The following NOL4L variants were observed in gnomAD, a reference collection of about 807,000 sequenced individuals.
NOL4L encodes nucleolar protein 4-like.
In NOL4L, 7 loss-of-function variants were observed where a neutral mutation model predicts 64.5. The ratio of observed to expected loss-of-function variants is 0.11; its 90% confidence interval spans 0.06 to 0.20. NOL4L has a LOEUF of 0.20. Ranked by LOEUF, NOL4L falls within the 10% of genes least tolerant of loss-of-function variation. NOL4L has a pLI of 1.00. For synonymous variants in NOL4L, 413 were observed against 401.0 expected (o/e 1.03, Z -0.36); for missense variants, 680 against 967.1 (o/e 0.70, Z 3.94).
In NOL4L at chr20:32,464,893, G is replaced by A. The variant is rs541842111; in HGVS notation, c.842-8498C>T. 4.7e-6 allele frequency: 2 copies of A among 422,582 alleles called. No individual in the cohort carries two copies. The highest frequency in any genetic ancestry group is 3.6e-5 in the East Asian group (1 of 28,110). 26.2% of individuals were successfully genotyped at this position (422,582 alleles called of 1,614,324 possible). The stretch of plus-strand genomic sequence containing the variant: ...GATATTTCACCTTCTTCTTTCCTAC[G>A]GAGCCGCTGAGACGCAGCGTGTATT... On this transcript the variant is annotated intron_variant, in intron 5 of 10. Transcript: ENST00000621426. This position sits in a 1 kb window ranked among gnomAD's most constrained non-coding sequence, Gnocchi z 5.6.
chr20:32,567,261 C>G (rs1183799355), intron 1 of NOL4L, among the ~76,000 whole-genome samples: 2 of 152,208 alleles, frequency 1.3e-5, no homozygotes, highest in African/African-American at 4.8e-5. Flanking sequence ...GAGACCCTGG[C>G]TTCCCACCTG....
rs767977508 is a variant in NOL4L, at chr20:32,453,508, G to A, written c.1306-13C>T. 8 of 1,613,324 alleles carry A rather than the reference G, an allele frequency of 5.0e-6. No homozygotes were observed. The highest frequency in any genetic ancestry group is 4.0e-5 in the African/African-American group (3 of 74,882). On this transcript the variant is annotated splice_polypyrimidine_tract_variant and intron_variant, in intron 7 of 10. Transcript: ENST00000621426. This position sits in a 1 kb window ranked among gnomAD's most constrained non-coding sequence, Gnocchi z 5.6. The stretch of plus-strand genomic sequence containing the variant: ...GACGCACAAACATCTGTGGAGACAC[G>A]GGCCATGGGAAGGGCTGGCCCTGGC...
At chr20:32,471,528 G>T (rs1480909389) in intron 5 of NOL4L, among the ~76,000 whole-genome samples, 2 of 152,204 alleles carry the variant, frequency 1.3e-5, no homozygotes, top group African/African-American at 4.8e-5. Flanking sequence ...TTAAAGAAGG[G>T]CCCCAACAAA....
At chr20:32,482,090 C>T (rs1002675629) in intron 4 of NOL4L, among the ~76,000 whole-genome samples, 1 of 152,134 alleles carries the variant, frequency 6.6e-6, no homozygotes, top group African/African-American at 2.4e-5. Context: ...AGTCCAAACA[C>T]CATTTCAGGT....
In NOL4L at chr20:32,444,010, G is replaced by GT. The variant is rs1298274231; in HGVS notation, c.*3585dup. On this transcript the variant is annotated 3_prime_UTR_variant, in exon 11 of 11. Coordinates refer to ENST00000621426, the MANE Select transcript of NOL4L (RefSeq NM_001256798.2). Reference sequence around the variant, plus strand: ...GTTGTATTTTTAGGTGGAAACGTAGGTAAAAAGTGAGAGGTTTTTGTTTGT... The same window carrying GT: ...GTTGTATTTTTAGGTGGAAACGTAGGTTAAAAAGTGAGAGGTTTTTGTTTGT... 2 of 152,212 alleles carry GT rather than the reference G, an allele frequency of 1.3e-5. No individual in the cohort carries two copies. The highest frequency in any genetic ancestry group is 2.9e-5 in the Non-Finnish European group (2 of 68,038). The allele number at this position is 152,212 out of a possible 1,614,324, so 9.4% of individuals were successfully genotyped here.
intron 3 of NOL4L, 79 bp from the exon 4 acceptor site, chr20:32,511,535 C>G: frequency 9.8e-7 from 1 of 1,017,026 alleles, no homozygotes; most frequent in Non-Finnish European, 1.5e-6. Context: ...TAACAGAGCC[C>G]GTGGAAGAGG....
intron 1 of NOL4L, 126 bp from the exon 2 acceptor site, chr20:32,528,039 G>T: frequency 1.5e-6 from 1 of 666,530 alleles, no homozygotes; most frequent in Non-Finnish European, 2.2e-6. Flanking sequence ...GGTGGGGAGG[G>T]GAGGGAGCCT....
rs542543811 is a variant in NOL4L at position 32,518,974 on chromosome 20, T to C, written c.589+1837A>G. ...GAACCGCAACAGCCACAGCTCTCTC[T>C]TCCTGCACCAATGCCAGGTACAGGG... On this transcript the variant is annotated intron_variant, in intron 3 of 10. Coordinates refer to ENST00000621426, the MANE Select transcript of NOL4L (RefSeq NM_001256798.2). Among the ~76,000 whole-genome samples the C allele has an allele frequency of 7.2e-5, 11 of 152,342 alleles. No homozygotes were observed. The East Asian group carries it at 1.9e-3, about 27-fold the overall frequency.
Position 32,447,821 on chromosome 20 carries a change from GGA to G in NOL4L, c.1823-7_1823-6del. ...TCATGCTGAGGTCCGTGGGCCCTGT[GGA>G]GAGGGAAGTAGGGTGAGAAGGGAGC... On this transcript the variant is annotated splice_polypyrimidine_tract_variant and splice_region_variant and intron_variant, in intron 10 of 10. Transcript: ENST00000621426. The G allele has an allele frequency of 6.5e-7, 1 of 1,544,832 alleles. No homozygotes were observed. Among genetic ancestry groups the G allele is most frequent in the Non-Finnish European group, 8.7e-7 (1 of 1,144,144 alleles).
At chr20:32,536,749 C>T (rs1354237046) in intron 1 of NOL4L, among the ~76,000 whole-genome samples, 1 of 141,072 alleles carries the variant, frequency 7.1e-6, no homozygotes, top group Non-Finnish European at 1.5e-5. Context: ...AATTAGATAC[C>T]AGCTGTCAGT....
At chr20:32,452,528 C>T (rs2145427155) in intron 9 of NOL4L, 91 bp from the exon 10 acceptor site, 1 of 1,197,156 alleles carries the variant, frequency 8.4e-7, no homozygotes, top group Non-Finnish European at 1.2e-6. Flanking sequence ...ATGCTGCGGC[C>T]CCAGGACTCC....
At chr20:32,545,946 TTTTC>T (rs2018726482) in intron 1 of NOL4L, among the ~76,000 whole-genome samples, 1 of 141,926 alleles carries the variant, frequency 7.0e-6, no homozygotes, top group Non-Finnish European at 1.5e-5. Flanking sequence ...TTTTTCTTTC[TTTTC>T]TTTTTTTTTT....
At chr20:32,482,409 G>A (rs1462467494) in intron 4 of NOL4L, among the ~76,000 whole-genome samples, 1 of 152,130 alleles carries the variant, frequency 6.6e-6, no homozygotes, top group Non-Finnish European at 1.5e-5. Context: ...GGGGCGGCCG[G>A]ACTCGGGCAA....
intron 5 of NOL4L, among the ~76,000 whole-genome samples, chr20:32,471,790 A>G (rs1000264780): frequency 6.6e-6 from 1 of 152,040 alleles, no homozygotes; most frequent in Non-Finnish European, 1.5e-5. Flanking sequence ...AGAGCTGGTT[A>G]TTTAAAAGAG....
chr20:32,564,005 G>T (rs1436664764), intron 1 of NOL4L, among the ~76,000 whole-genome samples: 1 of 152,216 alleles, frequency 6.6e-6, no homozygotes, highest in Non-Finnish European at 1.5e-5. Flanking sequence ...AGCAGGAAAG[G>T]TAATTGCTAA....
At chr20:32,568,554 C>T (rs1979574711) in intron 1 of NOL4L, among the ~76,000 whole-genome samples, 1 of 152,242 alleles carries the variant, frequency 6.6e-6, no homozygotes, top group Non-Finnish European at 1.5e-5. Context: ...TCTTCCTGCT[C>T]TACAACACTC....
Position 32,585,239 on chromosome 20 carries a change from G to A in NOL4L, c.-349C>T, listed in dbSNP as rs1363651331. ...GCCCCGCGGGCGGCCGGGGGAGGCGGGAGGCGGGGAGCGGCCCCGAGCGCT... is the reference window on the plus strand; with the variant it reads ...GCCCCGCGGGCGGCCGGGGGAGGCGAGAGGCGGGGAGCGGCCCCGAGCGCT... On this transcript the variant is annotated 5_prime_UTR_variant, in exon 1 of 11. Coordinates refer to ENST00000621426, the MANE Select transcript of NOL4L (RefSeq NM_001256798.2). Among the ~76,000 whole-genome samples, 1 of 148,090 alleles carries A rather than the reference G, an allele frequency of 6.8e-6. No homozygotes were observed. The highest frequency in any genetic ancestry group is 1.5e-5 in the Non-Finnish European group (1 of 66,228).
chr20:32,487,227 C>T (rs1304962599), intron 4 of NOL4L, among the ~76,000 whole-genome samples: 2 of 152,060 alleles, frequency 1.3e-5, no homozygotes, highest in African/African-American at 2.4e-5. Flanking sequence ...GAGATCATAC[C>T]GTTGCACTCC....
At chr20:32,462,145 C>T (rs540828646) in intron 5 of NOL4L, among the ~76,000 whole-genome samples, 12 of 152,188 alleles carry the variant, frequency 7.9e-5, no homozygotes, top group South Asian at 4.1e-4. Context: ...GGGAGGCCCA[C>T]GCTGGGGAAA....
Sources: gnomAD v4.1 joint callset for allele counts (sites outside exome capture counted in the v4.1 genomes callset) on GRCh38, gnomAD v4.1.1 for gene constraint, Gnocchi (gnomAD v3.1) non-coding constraint, MANE v1.5 for transcripts, NCBI Gene and HGNC (gene_info 2026-07-23, HGNC 2026-07-21) for gene names.